Variants in ZC3H12B observed in about 807,000 individuals in gnomAD.
ZC3H12B encodes probable ribonuclease ZC3H12B.
A neutral mutation model predicts 43.9 loss-of-function variants in ZC3H12B; 7 were observed. The observed-to-expected ratio is 0.16, with a 90% CI of 0.09 to 0.30. ZC3H12B has a LOEUF of 0.30. Ranked by LOEUF, ZC3H12B falls within the 10% of genes least tolerant of loss-of-function variation. The pLI is 1.00. For missense variants in ZC3H12B, 475 were observed against 670.2 expected (o/e 0.71, Z 3.22); for synonymous variants, 222 against 241.7 (o/e 0.92, Z 0.76).
chrX:65,417,608 A>G lies in ZC3H12B; in HGVS notation n.407+18904A>G, dbSNP rs2066975873. ...AAGCTTCTGTACCAAAAGGGTCCAC[A>G]TTCTATGGCAGATTAAATTATTCTC... On this transcript the variant is annotated intron_variant and non_coding_transcript_variant, in intron 3 of 5. Transcript: ENST00000617377. 3.6e-5 allele frequency among the ~76,000 whole-genome samples: 4 copies of G among 112,580 alleles called. No homozygotes were observed. The Admixed American group carries it at 3.7e-4, about 11-fold the overall frequency.
chrX:65,064,815 T>A, the ZC3H12B span, among the ~76,000 whole-genome samples: 1 of 112,084 alleles, frequency 8.9e-6, no homozygotes, highest in Admixed American at 9.5e-5. Flanking sequence ...GCTTTATGAA[T>A]CTCGGTCCTC....
the ZC3H12B span, among the ~76,000 whole-genome samples, chrX:65,274,569 T>A: frequency 9.2e-6 from 1 of 109,079 alleles, no homozygotes; most frequent in Non-Finnish European, 1.9e-5. Flanking sequence ...GTCCCACACA[T>A]AATGAACCCA....
At chrX:65,407,810 G>A (rs1010511920) in intron 3 of ZC3H12B, among the ~76,000 whole-genome samples, 2 of 113,300 alleles carry the variant, frequency 1.8e-5, no homozygotes, top group Admixed American at 9.2e-5. Flanking sequence ...CCGAACGCCC[G>A]ACGTCTCCGC....
chrX:65,329,869 C>A, the ZC3H12B span, among the ~76,000 whole-genome samples: 1 of 110,920 alleles, frequency 9.0e-6, no homozygotes, highest in Non-Finnish European at 1.9e-5. Context: ...AGATATGTGG[C>A]ATTATTTCTG....
At chrX:65,166,719 T>G in the ZC3H12B span, among the ~76,000 whole-genome samples, 1 of 111,890 alleles carries the variant, frequency 8.9e-6, no homozygotes, top group African/African-American at 3.3e-5. Context: ...GTTTCTTGAC[T>G]TTTTAATGAT....
At chrX:65,216,582 G>T in the ZC3H12B span, among the ~76,000 whole-genome samples, 1 of 111,493 alleles carries the variant, frequency 9.0e-6, no homozygotes, top group Non-Finnish European at 1.9e-5. Context: ...TACGGCATTG[G>T]TCTCTGAGGC....
the ZC3H12B span, among the ~76,000 whole-genome samples, chrX:65,156,153 C>T: frequency 9.0e-6 from 1 of 110,630 alleles, no homozygotes; most frequent in Non-Finnish European, 1.9e-5. Context: ...AGGCATGTAC[C>T]TTTTCTTATT....
the ZC3H12B span, among the ~76,000 whole-genome samples, chrX:65,088,017 T>C: frequency 8.0e-5 from 9 of 111,924 alleles, no homozygotes; most frequent in Non-Finnish European, 1.5e-4. Flanking sequence ...TGATGTAAAA[T>C]GTATTGGCTA....
chrX:65,157,487 C>G, the ZC3H12B span, among the ~76,000 whole-genome samples: 2 of 111,634 alleles, frequency 1.8e-5, no homozygotes, highest in Non-Finnish European at 1.9e-5. Context: ...TTGCCTTGGT[C>G]TATTTGGTTT....
At chrX:65,468,619 G>T (rs1430455399) in intron 3 of ZC3H12B, among the ~76,000 whole-genome samples, 3 of 103,463 alleles carry the variant, frequency 2.9e-5, no homozygotes, top group Non-Finnish European at 5.9e-5. Context: ...GAGTAGCTGG[G>T]ACTACAGGTG....
the ZC3H12B span, among the ~76,000 whole-genome samples, chrX:65,078,080 G>A: frequency 8.9e-6 from 1 of 111,883 alleles, no homozygotes; most frequent in Non-Finnish European, 1.9e-5. Context: ...TTCAAGGGTT[G>A]TTCCAAGGAT....
intron 3 of ZC3H12B, among the ~76,000 whole-genome samples, chrX:65,459,393 A>T (rs1299568706): frequency 8.9e-6 from 1 of 111,789 alleles, no homozygotes; most frequent in Non-Finnish European, 1.9e-5. Context: ...AGCCTGGCAG[A>T]GACACAACAA....
At chrX:65,113,985 G>GTGTATATATA in the ZC3H12B span, among the ~76,000 whole-genome samples, 19 of 47,477 alleles carry the variant, frequency 4.0e-4, no homozygotes, top group African/African-American at 8.3e-4. Context: ...AGATATGCTT[G>GTGTATATATA]TATATATATA....
chrX:65,258,566 A>T, the ZC3H12B span, among the ~76,000 whole-genome samples: 1 of 111,856 alleles, frequency 8.9e-6, no homozygotes, highest in African/African-American at 3.2e-5. Flanking sequence ...AGCCTTAGCC[A>T]CAGCAATCAG....
At chrX:65,459,263 A>T (rs951765212) in intron 3 of ZC3H12B, among the ~76,000 whole-genome samples, 4 of 112,092 alleles carry the variant, frequency 3.6e-5, no homozygotes, top group Admixed American at 1.9e-4. Flanking sequence ...TTCACAGCCG[A>T]ATTCTACCAG....
the ZC3H12B span, among the ~76,000 whole-genome samples, chrX:65,298,329 AAAAATAATTTT>A: frequency 8.9e-6 from 1 of 112,053 alleles, no homozygotes; most frequent in Non-Finnish European, 1.9e-5. Flanking sequence ...AGAGAATTTA[AAAAATAATTTT>A]AACTAGACAA....
the ZC3H12B span, among the ~76,000 whole-genome samples, chrX:65,041,963 C>CT: frequency 1.8e-5 from 2 of 111,901 alleles, no homozygotes; most frequent in East Asian, 5.6e-4. Context: ...AAGACTTGAA[C>CT]TAGGGTGAAG....
the ZC3H12B span, among the ~76,000 whole-genome samples, chrX:65,131,610 G>A: frequency 6.3e-5 from 7 of 111,518 alleles, no homozygotes; most frequent in South Asian, 1.1e-3. Flanking sequence ...GTTTGCTTTT[G>A]TGAGTTTATG....
the ZC3H12B span, among the ~76,000 whole-genome samples, chrX:65,207,242 GTGTATA>G: frequency 9.6e-6 from 1 of 104,450 alleles, no homozygotes; most frequent in African/African-American, 3.6e-5. Flanking sequence ...GTGTGTGTGT[GTGTATA>G]TATACACACA....
Sources: allele counts gnomAD v4.1 joint callset (sites outside exome capture counted in the v4.1 genomes callset), GRCh38; gene constraint gnomAD v4.1.1; transcripts MANE v1.5; gene names NCBI Gene and HGNC (gene_info 2026-07-23, HGNC 2026-07-21).